The following DSC2 variants were observed in gnomAD, a reference collection of about 807,000 sequenced individuals.
DSC2 encodes the protein desmocollin-2.
A neutral mutation model predicts 87.6 loss-of-function variants in DSC2; 51 were observed. The ratio of observed to expected loss-of-function variants is 0.58; its 90% CI spans 0.46 to 0.74. The LOEUF (loss-of-function observed/expected upper bound fraction) is 0.74, where lower values mean the gene tolerates loss of function less well. Among genes scored for constraint, DSC2 ranks in the 30% least tolerant of loss-of-function variants. The pLI, the probability that DSC2 is intolerant of heterozygous loss-of-function variation, is 0.00. For synonymous variants in DSC2, 383 were observed against 393.2 expected, an observed-to-expected ratio of 0.97 and a Z score of 0.31; for missense variants, 1,066 against 1,089.5, an observed-to-expected ratio of 0.98 and a Z score of 0.30.
intron 12 of DSC2, 146 bp downstream of exon 12, chr18:31,074,537 G>C (rs1379161451): frequency 4.0e-6 from 3 of 745,538 alleles, no homozygotes; most frequent in East Asian, 5.4e-5. Context: ...ACACACTAGA[G>C]AGACCTACTC....
chr18:31,086,858 A>G, intron 6 of DSC2, 116 bp from the exon 7 acceptor site: 1 of 1,124,396 alleles, frequency 8.9e-7, no homozygotes. Context: ...TACATGGCAA[A>G]GTCATGGCTT....
chr18:31,067,589 AAC>A lies in DSC2; in HGVS notation c.*424_*425del, dbSNP rs1428126301. On this transcript the variant is annotated 3_prime_UTR_variant, in exon 16 of 16. Transcript: ENST00000280904. ...ACACACTTTAGATGTTCAGGAAAACAACAGTTTCCAAGCACCACATGAACACT... is the reference window on the plus strand; with the variant it reads ...ACACACTTTAGATGTTCAGGAAAACAAGTTTCCAAGCACCACATGAACACT... 4.1e-5 allele frequency: 8 copies of A among 194,532 alleles called. No individual in the cohort carries two copies. The highest frequency in any genetic ancestry group is 8.5e-5 in the Non-Finnish European group (8 of 94,472). 12.1% of individuals were successfully genotyped at this position (194,532 alleles called of 1,614,324 possible). A position where few individuals can be genotyped will look rare whatever the true frequency, so the allele number is the denominator to read the frequency against.
At position 31,058,942 on chromosome 18, in the gene DSC2, T is replaced by C. The variant is rs898976597; in HGVS notation, c.*9073A>G. 2.6e-5 allele frequency: 4 copies of C among 152,192 alleles called. No homozygotes were observed. Among genetic ancestry groups the C allele is most frequent in the African/African-American group, 9.7e-5 (4 of 41,446 alleles). The allele number at this position is 152,192 out of a possible 1,614,324, so 9.4% of individuals were successfully genotyped here. A position where few individuals can be genotyped will look rare whatever the true frequency, so the allele number is the denominator to read the frequency against. On this transcript the variant is annotated 3_prime_UTR_variant, in exon 16 of 16. Coordinates refer to ENST00000280904, the MANE Select transcript of DSC2 (RefSeq NM_024422.6). ...GAGGCCATATCTTACATACAGTAGA[T>C]ACCAAATAAATTTTAACACCGAACA...
At chr18:31,099,602 GGC>G (rs1491109222) in intron 1 of DSC2, among the ~76,000 whole-genome samples, 1 of 152,006 alleles carries the variant, frequency 6.6e-6, no homozygotes, top group African/African-American at 2.4e-5. Flanking sequence ...TAAAAAAAAA[GGC>G]GGGGGGGAGT....
chr18:31,088,220 C>G (rs1406167410), intron 5 of DSC2, among the ~76,000 whole-genome samples: 1 of 151,956 alleles, frequency 6.6e-6, no homozygotes, highest in Non-Finnish European at 1.5e-5. Context: ...GTAGGATTAC[C>G]CAGGTACAGT....
In DSC2 at chr18:31,086,754, A is replaced by C. The variant is rs397517403; in HGVS notation, c.776-12T>G. On this transcript the variant is annotated splice_polypyrimidine_tract_variant and intron_variant, in intron 6 of 15. Coordinates refer to ENST00000280904, the MANE Select transcript of DSC2 (RefSeq NM_024422.6). ...TCCCACAGTAGTGCCTAGAGAAGAA[A>C]AGTCCTTTTTAATCTCCAAAACATT... is the stretch of plus-strand genomic sequence containing the variant. The C allele has an allele frequency of 3.1e-5, 50 of 1,612,974 alleles. No homozygotes were observed. Among genetic ancestry groups the C allele is most frequent in the Middle Eastern group, 1.6e-4 (1 of 6,070 alleles).
At position 31,065,966 on chromosome 18, in the gene DSC2, T is replaced by C. The variant is rs1280821451; in HGVS notation, c.*2049A>G. 6.6e-6 allele frequency: 1 copy of C among 152,210 alleles called. No individual in the cohort carries two copies. Among genetic ancestry groups the C allele is most frequent in the African/African-American group, 2.4e-5 (1 of 41,464 alleles). The allele number at this position is 152,210 out of a possible 1,614,324, so 9.4% of individuals were successfully genotyped here. On this transcript the variant is annotated 3_prime_UTR_variant, in exon 16 of 16. Transcript: ENST00000280904. Reference sequence around the variant, plus strand: ...CCTTTTGTTAACATGAAATGAATTGTACATGTGACTTGTTTAAAATCATTT... The same window carrying C: ...CCTTTTGTTAACATGAAATGAATTGCACATGTGACTTGTTTAAAATCATTT...
At chr18:31,069,991 TA>T (rs1345550503) in intron 14 of DSC2, among the ~76,000 whole-genome samples, 1 of 152,182 alleles carries the variant, frequency 6.6e-6, no homozygotes, top group Non-Finnish European at 1.5e-5. Context: ...GCCATCTAAA[TA>T]TATATGAATA....
intron 1 of DSC2, chr18:31,101,279 C>CCCCCCCG: frequency 1.0e-6 from 1 of 969,662 alleles, no homozygotes; most frequent in Non-Finnish European, 1.2e-6. Flanking sequence ...CTCCCCCACC[C>CCCCCCCG]GCCACTTCCC....
chr18:31,082,451 T>G, intron 8 of DSC2, 28 bp from the exon 9 acceptor site: 1 of 1,603,686 alleles, frequency 6.2e-7, no homozygotes, highest in Middle Eastern at 1.7e-4. Context: ...AACAAAAAAT[T>G]TCGTTAGTAA....
In DSC2 at chr18:31,082,979, T is replaced by TA. The variant is rs768389941; in HGVS notation, c.1023dup (p.Ile342TyrfsTer3). ...TCATTTACATCATCAATGTTAATGATACAAGTTGAAGTTGTCTGTAGACCA... is the reference window on the plus strand; with the variant it reads ...TCATTTACATCATCAATGTTAATGATAACAAGTTGAAGTTGTCTGTAGACCA... On this transcript the variant is annotated frameshift_variant, in exon 8 of 16. Coordinates refer to ENST00000280904, the MANE Select transcript of DSC2 (RefSeq NM_024422.6). LOFTEE classifies it high-confidence loss of function. 1 of 1,613,510 alleles carries TA rather than the reference T, an allele frequency of 6.2e-7. No homozygotes were observed. Among genetic ancestry groups the TA allele is most frequent in the Non-Finnish European group, 8.5e-7 (1 of 1,179,902 alleles).
Position 31,091,031 on chromosome 18 carries a change from T to C in DSC2, c.471A>G (p.Gln157=), listed in dbSNP as rs1367783973. The change falls in exon 4 of 16, where the codon CAA becomes CAG. Residue 157 remains glutamine (Q), a synonymous_variant. Transcript: ENST00000280904. The part of the protein sequence containing the change: ...NSLGPFPLFL[Q]QVQSDTAQNY... ...GCAGAAAGAAAGAAAACGGTACCTG[T>C]TGAAGGAAAAGTGGAAAAGGACCCA... 6.2e-7 allele frequency: 1 copy of C among 1,613,914 alleles called. No individual in the cohort carries two copies. Among genetic ancestry groups the C allele is most frequent in the African/African-American group, 1.3e-5 (1 of 75,008 alleles).
At chr18:31,082,198 G>A (rs1242097401) in intron 9 of DSC2, 40 bp downstream of exon 9, 1 of 1,560,690 alleles carries the variant, frequency 6.4e-7, no homozygotes, top group Non-Finnish European at 8.8e-7. Context: ...GCTATTCTAT[G>A]ATATTATAAA....
intron 1 of DSC2, among the ~76,000 whole-genome samples, chr18:31,101,412 TGAGGCACAGGGAGCCGCACGTTCCC>T (rs767524363): frequency 0.03 from 4,575 of 150,730 alleles, 232 homozygotes; most frequent in African/African-American, 0.099. Flanking sequence ...GGGCAGGCGC[TGAGGCACAGGGAGCCGCACGTTCCC>T]GAGGCACAGG....
chr18:31,094,014 A>G (rs1987690164), intron 1 of DSC2, among the ~76,000 whole-genome samples: 1 of 152,102 alleles, frequency 6.6e-6, no homozygotes. Flanking sequence ...TTGTAAACTC[A>G]AAGAGTTATG....
In DSC2 at chr18:31,064,636, G is replaced by T. The variant is rs1986570750; in HGVS notation, c.*3379C>A. The T allele has an allele frequency of 1.3e-5, 2 of 152,178 alleles. No homozygotes were observed. The highest frequency in any genetic ancestry group is 2.9e-5 in the Non-Finnish European group (2 of 68,062). The allele number at this position is 152,178 out of a possible 1,614,324, so 9.4% of individuals were successfully genotyped here. On this transcript the variant is annotated 3_prime_UTR_variant, in exon 16 of 16. Transcript: ENST00000280904. ...TTGTCTTTTTGCATGAGTTTGAAGTGCTAGGTTAACAGGGGGCTCGCAGGG... is the reference window on the plus strand; with the variant it reads ...TTGTCTTTTTGCATGAGTTTGAAGTTCTAGGTTAACAGGGGGCTCGCAGGG...
In DSC2 at chr18:31,063,524, A is replaced by T. The variant is rs1240828005; in HGVS notation, c.*4491T>A. Reference sequence around the variant, plus strand: ...ATTTTTACTAGATCCTCAAAAAGTAATATTTTTACAAAGAAAGAGACAATG... The same window carrying T: ...ATTTTTACTAGATCCTCAAAAAGTATTATTTTTACAAAGAAAGAGACAATG... On this transcript the variant is annotated 3_prime_UTR_variant, in exon 16 of 16. Transcript: ENST00000280904. 6.6e-6 allele frequency: 1 copy of T among 152,232 alleles called. No homozygotes were observed. The highest frequency in any genetic ancestry group is 1.5e-5 in the Non-Finnish European group (1 of 68,008). The allele number at this position is 152,232 out of a possible 1,614,324, so 9.4% of individuals were successfully genotyped here.
chr18:31,061,476 C>CGTATACCTAGAATTTAGG lies in DSC2; in HGVS notation c.*6521_*6538dup, dbSNP rs1986500303. ...AGTGAGTATCTCTTCTTTAATCTCA[C>CGTATACCTAGAATTTAGG]GTATACCTAGAATTTAGGATATACC... On this transcript the variant is annotated 3_prime_UTR_variant, in exon 16 of 16. Transcript: ENST00000280904. The CGTATACCTAGAATTTAGG allele has an allele frequency of 6.6e-6, 1 of 152,160 alleles. No homozygotes were observed. Among genetic ancestry groups the CGTATACCTAGAATTTAGG allele is most frequent in the Non-Finnish European group, 1.5e-5 (1 of 68,034 alleles). The allele number at this position is 152,160 out of a possible 1,614,324, so 9.4% of individuals were successfully genotyped here. A position where few individuals can be genotyped will look rare whatever the true frequency, so the allele number is the denominator to read the frequency against.
intron 8 of DSC2, 152 bp downstream of exon 8, chr18:31,082,774 T>C (rs1987267132): frequency 2.4e-6 from 2 of 850,208 alleles, no homozygotes; most frequent in African/African-American, 3.4e-5. Flanking sequence ...GCCAGGCTGT[T>C]CTCAAACTCC....
Sources: allele counts gnomAD v4.1 joint callset (sites outside exome capture counted in the v4.1 genomes callset), GRCh38; gene constraint gnomAD v4.1.1; transcripts MANE v1.5; gene names NCBI Gene and HGNC (gene_info 2026-07-23, HGNC 2026-07-21).